Variants in ALK observed in about 807,000 individuals in gnomAD.
The protein encoded by ALK is ALK receptor tyrosine kinase, also known as ALK tyrosine kinase receptor.
Under a neutral mutation model 163.1 loss-of-function variants are expected in ALK, and 74 were observed. That is an observed-to-expected ratio of 0.45 (90% CI 0.38 to 0.55). The LOEUF is 0.55. Among genes scored for constraint, ALK ranks in the 20% least tolerant of loss-of-function variants. The probability of loss-of-function intolerance (pLI) is 0.00; values close to 1 mark genes in which losing one functional copy is unlikely to be tolerated. For missense variants in ALK, 2,063 were observed against 2,105.3 expected, an observed-to-expected ratio of 0.98 and a Z score of 0.39; for synonymous variants, 960 against 843.2, an observed-to-expected ratio of 1.14 and a Z score of -2.40.
chr2:29,432,971 G>A (rs1670309001), intron 4 of ALK, among the ~76,000 whole-genome samples: 1 of 151,988 alleles, frequency 6.6e-6, no homozygotes, highest in Non-Finnish European at 1.5e-5. Flanking sequence ...TTATCTGTAT[G>A]AGCAGGAAAT....
chr2:29,258,480 G>A (rs560794359), intron 11 of ALK, among the ~76,000 whole-genome samples: 1 of 152,108 alleles, frequency 6.6e-6, no homozygotes, highest in South Asian at 2.1e-4. Flanking sequence ...CTACTATTTG[G>A]GTTACTGAGT....
chr2:29,604,392 G>T (rs192081516), intron 3 of ALK, among the ~76,000 whole-genome samples: 60 of 152,242 alleles, frequency 3.9e-4, no homozygotes, highest in Admixed American at 3.9e-3. Flanking sequence ...CCATGCTGAA[G>T]TTCACACATG....
At chr2:29,380,454 T>C (rs773841942) in intron 5 of ALK, among the ~76,000 whole-genome samples, 2 of 151,008 alleles carry the variant, frequency 1.3e-5, no homozygotes, top group Non-Finnish European at 3.0e-5. Context: ...GTTTCACTCT[T>C]GTTGCCCAGG....
intron 11 of ALK, among the ~76,000 whole-genome samples, chr2:29,255,460 A>C (rs1182133193): frequency 6.6e-6 from 1 of 152,186 alleles, no homozygotes; most frequent in Non-Finnish European, 1.5e-5. Flanking sequence ...TGAAACATTT[A>C]AAAAGCATTC....
chr2:29,358,526 G>A (rs550134469), intron 5 of ALK, among the ~76,000 whole-genome samples: 2 of 152,288 alleles, frequency 1.3e-5, no homozygotes, highest in South Asian at 2.1e-4. Flanking sequence ...CCCAGCATGT[G>A]GCCCCCAGGA....
At chr2:29,647,848 T>A (rs1188543166) in intron 3 of ALK, among the ~76,000 whole-genome samples, 1 of 145,788 alleles carries the variant, frequency 6.9e-6, no homozygotes, top group Non-Finnish European at 1.5e-5. Context: ...TAAAACCAAC[T>A]CATATTTATA....
intron 4 of ALK, among the ~76,000 whole-genome samples, chr2:29,521,977 A>T (rs1672826582): frequency 6.6e-6 from 1 of 152,236 alleles, no homozygotes; most frequent in Admixed American, 6.5e-5. Flanking sequence ...TCTGTGCATC[A>T]AAGCCTTATA....
At chr2:29,696,373 A>G (rs1678562893) in intron 2 of ALK, among the ~76,000 whole-genome samples, 1 of 152,024 alleles carries the variant, frequency 6.6e-6, no homozygotes, top group Non-Finnish European at 1.5e-5. Flanking sequence ...ATTACACACC[A>G]GGGCCTGTCG....
intron 11 of ALK, among the ~76,000 whole-genome samples, chr2:29,263,976 C>T (rs988652074): frequency 6.6e-6 from 1 of 152,254 alleles, no homozygotes; most frequent in Non-Finnish European, 1.5e-5. Context: ...CAGCTACTTG[C>T]AATGAAACAC....
chr2:29,705,268 TATATATATATATAA>T (rs1199175404), intron 2 of ALK, among the ~76,000 whole-genome samples: 624 of 56,650 alleles, frequency 0.011, 20 homozygotes, highest in African/African-American at 0.05. Flanking sequence ...TATATATATA[TATATATATATATAA>T]ATATATATCT....
intron 4 of ALK, among the ~76,000 whole-genome samples, chr2:29,530,023 T>TTGC (rs1673076828): frequency 6.6e-6 from 1 of 150,392 alleles, no homozygotes; most frequent in South Asian, 2.1e-4. Context: ...GTCCCAGGGC[T>TTGC]CATTTGTCTT....
Position 29,451,672 on chromosome 2 carries a change from C to T in ALK, c.1155-67813G>A, listed in dbSNP as rs576502383. Among the ~76,000 whole-genome samples, 122 of 152,242 alleles carry T rather than the reference C, an allele frequency of 8.0e-4. 1 individual carries two copies. Among genetic ancestry groups the T allele is most frequent in the Non-Finnish European group, 2.4e-4 (16 of 68,028 alleles). On this transcript the variant is annotated intron_variant, in intron 4 of 28. Coordinates refer to ENST00000389048, the MANE Select transcript of ALK (RefSeq NM_004304.5). ...CTCCTGTCAGTGCCGCATCCAAATC[C>T]GACAGCAATTTTTCTGTGCCATGCC...
intron 5 of ALK, among the ~76,000 whole-genome samples, chr2:29,335,098 G>C (rs983979792): frequency 6.6e-6 from 1 of 152,208 alleles, no homozygotes; most frequent in Non-Finnish European, 1.5e-5. Context: ...TGAAAAGCCA[G>C]CTCCTGTTTC....
intron 1 of ALK, among the ~76,000 whole-genome samples, chr2:29,838,260 C>T (rs1363560920): frequency 3.3e-5 from 5 of 151,848 alleles, no homozygotes; most frequent in Non-Finnish European, 7.4e-5. Flanking sequence ...ATGTAATTGG[C>T]CTAAATAAAA....
At chr2:29,195,477 T>C (rs564968752) in intron 28 of ALK, among the ~76,000 whole-genome samples, 1 of 152,218 alleles carries the variant, frequency 6.6e-6, no homozygotes, top group South Asian at 2.1e-4. Flanking sequence ...GTAGGCCAGG[T>C]GTGGCAGCAC....
At chr2:29,723,974 C>T (rs988963305) in intron 1 of ALK, among the ~76,000 whole-genome samples, 9 of 152,240 alleles carry the variant, frequency 5.9e-5, no homozygotes, top group African/African-American at 1.7e-4. Context: ...AAATTGCAGC[C>T]GATTGGCACT....
At chr2:29,741,130 G>C (rs893898940) in intron 1 of ALK, among the ~76,000 whole-genome samples, 3 of 152,198 alleles carry the variant, frequency 2.0e-5, no homozygotes, top group Non-Finnish European at 4.4e-5. Context: ...AATTCCAACT[G>C]TATGACCTTC....
At chr2:29,483,677 T>C (rs764206210) in intron 4 of ALK, among the ~76,000 whole-genome samples, 1 of 152,242 alleles carries the variant, frequency 6.6e-6, no homozygotes, top group Non-Finnish European at 1.5e-5. Flanking sequence ...AAGTCATTAC[T>C]TTTTACTATT....
Position 29,784,713 on chromosome 2 carries a change from A to AACAACAAAAACAAC in ALK, c.668-67017_668-67016insGTTGTTTTTGTTGT, listed in dbSNP as rs145281816. Among the ~76,000 whole-genome samples the AACAACAAAAACAAC allele has an allele frequency of 2.9e-3, 430 of 150,842 alleles. 2 individuals carry two copies. The highest frequency in any genetic ancestry group is 9.8e-3 in the African/African-American group (402 of 41,012). Reference sequence around the variant, plus strand: ...TCCGTCTCAACAACAACAACAACAAAAACAACAACAACAACAACAACAAAG... The same window carrying AACAACAAAAACAAC: ...TCCGTCTCAACAACAACAACAACAAAACAACAAAAACAACAACAACAACAACAACAACAACAAAG... On this transcript the variant is annotated intron_variant, in intron 1 of 28. Transcript: ENST00000389048.
Sources: allele counts gnomAD v4.1 joint callset (sites outside exome capture counted in the v4.1 genomes callset), GRCh38; gene constraint gnomAD v4.1.1; transcripts MANE v1.5; gene names NCBI Gene and HGNC (gene_info 2026-07-23, HGNC 2026-07-21).